Variants in RTN4 observed in about 807,000 individuals in gnomAD.
RTN4 encodes reticulon 4.
RTN4 carries 32 observed loss-of-function variants against 90.4 expected under a neutral mutation model. The ratio of observed to expected loss-of-function variants is 0.35; its 90% CI spans 0.27 to 0.48. The LOEUF is 0.48. Ranked by LOEUF, RTN4 falls within the 20% of genes least tolerant of loss-of-function variation. RTN4 has a pLI of 0.99. For synonymous variants in RTN4, 629 were observed against 552.5 expected (o/e 1.14, Z -1.94); for missense variants, 1,706 against 1,430.2 (o/e 1.19, Z -3.11).
At chr2:54,978,038 C>G (rs1446362633) in intron 5 of RTN4, among the ~76,000 whole-genome samples, 5 of 152,182 alleles carry the variant, frequency 3.3e-5, no homozygotes, top group African/African-American at 1.2e-4. Flanking sequence ...CCTTCACTGC[C>G]CCCGCCAAAA....
chr2:54,987,013 C>A (rs1393775985), intron 4 of RTN4, among the ~76,000 whole-genome samples: 1 of 151,844 alleles, frequency 6.6e-6, no homozygotes, highest in Non-Finnish European at 1.5e-5. Flanking sequence ...TGAAATAAAG[C>A]TCTCCAAAAA....
chr2:55,071,543 CAAA>C (rs71410418), intron 2 of RTN4, among the ~76,000 whole-genome samples: 10,501 of 99,434 alleles, frequency 0.11, 317 homozygotes, highest in South Asian at 0.22. Flanking sequence ...CATTTGCCAT[CAAA>C]AAAAAAAAAA....
chr2:55,060,271 A>G (rs1668266689), intron 2 of RTN4, among the ~76,000 whole-genome samples: 1 of 152,200 alleles, frequency 6.6e-6, no homozygotes, highest in Non-Finnish European at 1.5e-5. Flanking sequence ...ACAGTTAACA[A>G]TAGTATCTTG....
the RTN4 span, among the ~76,000 whole-genome samples, chr2:55,130,912 T>C: frequency 1.3e-5 from 2 of 152,020 alleles, no homozygotes; most frequent in Admixed American, 6.6e-5. Context: ...AAAAAGAAGG[T>C]ATTAGGAAGG....
intron 1 of RTN4, among the ~76,000 whole-genome samples, chr2:55,037,101 A>G (rs1682744040): frequency 6.6e-6 from 1 of 152,236 alleles, no homozygotes; most frequent in African/African-American, 2.4e-5. Context: ...GTAGCAACAA[A>G]GAGAAAATGA....
intron 5 of RTN4, among the ~76,000 whole-genome samples, chr2:54,981,323 T>G (rs1244474343): frequency 6.6e-6 from 1 of 152,032 alleles, no homozygotes; most frequent in Admixed American, 6.6e-5. Context: ...CTTAAACCTA[T>G]TCTGACCAGT....
chr2:54,981,201 T>G (rs1382809641), intron 5 of RTN4, among the ~76,000 whole-genome samples: 1 of 151,890 alleles, frequency 6.6e-6, no homozygotes, highest in Non-Finnish European at 1.5e-5. Context: ...CTGGGCGCAG[T>G]GGCTCATACC....
At chr2:55,127,874 T>G in the RTN4 span, among the ~76,000 whole-genome samples, 2 of 151,960 alleles carry the variant, frequency 1.3e-5, no homozygotes, top group Non-Finnish European at 2.9e-5. Flanking sequence ...TAATGATAAA[T>G]GCTTTTGTGT....
Position 54,994,083 on chromosome 2 carries a change from C to A in RTN4, c.3014-6385G>T, listed in dbSNP as rs184465003. Among the ~76,000 whole-genome samples, 160 of 152,274 alleles carry A rather than the reference C, an allele frequency of 1.1e-3. 2 individuals are homozygous for A. Among genetic ancestry groups the A allele is most frequent in the Non-Finnish European group, 1.8e-3 (125 of 68,010 alleles). On this transcript the variant is annotated intron_variant, in intron 3 of 8. Transcript: ENST00000337526. The stretch of plus-strand genomic sequence containing the variant: ...AAAAAATTTTGAAAGATTGTTTATA[C>A]AGGATAAATGATTCTCAATAGGAGG...
chr2:55,003,692 G>C (rs147174861), intron 3 of RTN4, among the ~76,000 whole-genome samples: 1 of 152,150 alleles, frequency 6.6e-6, no homozygotes, highest in African/African-American at 2.4e-5. Context: ...ACTAACTGTG[G>C]ATGGAAAAAT....
At chr2:55,037,076 C>G (rs1262279241) in intron 1 of RTN4, among the ~76,000 whole-genome samples, 2 of 152,174 alleles carry the variant, frequency 1.3e-5, no homozygotes, top group Admixed American at 1.3e-4. Context: ...CAAAACTTAA[C>G]TCTATTTCCA....
intron 5 of RTN4, among the ~76,000 whole-genome samples, chr2:54,979,833 G>A (rs898973238): frequency 6.6e-6 from 1 of 152,176 alleles, no homozygotes; most frequent in Admixed American, 6.5e-5. Context: ...CTTATTTGCA[G>A]TCCTAAATGA....
At chr2:55,047,269 G>A (rs1213607765) in intron 1 of RTN4, among the ~76,000 whole-genome samples, 1 of 151,174 alleles carries the variant, frequency 6.6e-6, no homozygotes, top group Non-Finnish European at 1.5e-5. Flanking sequence ...GGCGGAGGTT[G>A]CAGTGAGCCA....
chr2:54,993,929 GAA>G (rs1216685822), intron 3 of RTN4, among the ~76,000 whole-genome samples: 1 of 152,208 alleles, frequency 6.6e-6, no homozygotes, highest in Non-Finnish European at 1.5e-5. Flanking sequence ...TAAAGAAGCT[GAA>G]AAGATTGTTA....
chr2:55,136,456 G>A, the RTN4 span, among the ~76,000 whole-genome samples: 9 of 152,352 alleles, frequency 5.9e-5, no homozygotes, highest in East Asian at 1.9e-4. Flanking sequence ...CAAGTCGCCC[G>A]CTTGGCCCTC....
the RTN4 span, among the ~76,000 whole-genome samples, chr2:55,127,667 T>C: frequency 8.5e-5 from 13 of 152,238 alleles, no homozygotes; most frequent in African/African-American, 2.9e-4. Flanking sequence ...CTTGGCTCAC[T>C]GATTGGCTCA....
chr2:54,981,991 G>C (rs569099430), intron 5 of RTN4, among the ~76,000 whole-genome samples: 30 of 151,332 alleles, frequency 2.0e-4, no homozygotes, highest in Non-Finnish European at 3.7e-4. Flanking sequence ...TTTCACTCTT[G>C]TTGCCCAGGC....
At chr2:55,128,899 G>A in the RTN4 span, among the ~76,000 whole-genome samples, 1 of 151,900 alleles carries the variant, frequency 6.6e-6, no homozygotes, top group African/African-American at 2.4e-5. Context: ...CTGAGGTCAG[G>A]AGTTCGAGAC....
chr2:55,135,659 G>C, the RTN4 span, among the ~76,000 whole-genome samples: 1 of 152,140 alleles, frequency 6.6e-6, no homozygotes, highest in Admixed American at 6.5e-5. Flanking sequence ...ACAATACCAT[G>C]AAGCCATCAT....
Sources: gnomAD v4.1 joint callset for allele counts (sites outside exome capture counted in the v4.1 genomes callset) on GRCh38, gnomAD v4.1.1 for gene constraint, MANE v1.5 for transcripts, NCBI Gene and HGNC (gene_info 2026-07-23, HGNC 2026-07-21) for gene names.